Variants in CACNA1C observed in about 807,000 individuals in gnomAD.
CACNA1C encodes calcium voltage-gated channel subunit alpha1 C, also known as voltage-dependent L-type calcium channel subunit alpha-1C.
A neutral mutation model predicts 229.0 loss-of-function variants in CACNA1C; 30 were observed. The observed-to-expected ratio is 0.13, with a 90% confidence interval of 0.10 to 0.18. The LOEUF is 0.18. CACNA1C is among the 10% of genes least tolerant of loss of function. The probability of loss-of-function intolerance (pLI) is 1.00; values close to 1 mark genes in which losing one functional copy is unlikely to be tolerated. For synonymous variants in CACNA1C, 1,114 were observed against 1,132.5 expected (o/e 0.98, Z 0.33); for missense variants, 1,658 against 2,845.0 (o/e 0.58, Z 9.49).
chr12:2,016,411 GT>G (rs1485047602), intron 1 of CACNA1C, among the ~76,000 whole-genome samples: 2 of 151,984 alleles, frequency 1.3e-5, no homozygotes, highest in African/African-American at 4.8e-5. Flanking sequence ...GTGACAATGG[GT>G]TTGTTTAAAA....
chr12:2,005,810 T>A (rs916018632), intron 1 of CACNA1C, among the ~76,000 whole-genome samples: 4 of 152,264 alleles, frequency 2.6e-5, no homozygotes, highest in African/African-American at 9.6e-5. Flanking sequence ...GGATTTTTAA[T>A]GTAACAGTAT....
intron 3 of CACNA1C, among the ~76,000 whole-genome samples, chr12:2,341,359 G>A (rs757130067): frequency 1.3e-5 from 2 of 152,206 alleles, no homozygotes; most frequent in African/African-American, 2.4e-5. Context: ...CTGTTCCAGC[G>A]AGGGATTAAA....
intron 3 of CACNA1C, among the ~76,000 whole-genome samples, chr12:2,293,655 G>A (rs1355676011): frequency 1.3e-5 from 2 of 152,188 alleles, no homozygotes; most frequent in East Asian, 3.8e-4. Flanking sequence ...ATGTGGCCCA[G>A]GGAAGCCAAA....
At chr12:2,111,744 A>G (rs1401319441) in intron 1 of CACNA1C, among the ~76,000 whole-genome samples, 1 of 152,184 alleles carries the variant, frequency 6.6e-6, no homozygotes, top group East Asian at 1.9e-4. Context: ...AAAAAATTAT[A>G]TACCACAGAT....
chr12:2,679,860 C>A lies in CACNA1C; in HGVS notation c.5444+64C>A. On this transcript the variant is annotated intron_variant, in intron 42 of 46. Transcript: ENST00000399655. The surrounding 1 kb of genome is among the most constrained non-coding windows in gnomAD (Gnocchi z 5.5). ...CCCACGTGCTGCAACCCTCAGGAGACAGTGGAGGAGACGGAGGCCTCGGCC... is the reference window on the plus strand; with the variant it reads ...CCCACGTGCTGCAACCCTCAGGAGAAAGTGGAGGAGACGGAGGCCTCGGCC... 1 of 1,219,536 alleles carries A rather than the reference C, an allele frequency of 8.2e-7. No homozygotes were observed. Among genetic ancestry groups the A allele is most frequent in the Non-Finnish European group, 1.1e-6 (1 of 875,460 alleles). The allele number at this position is 1,219,536 out of a possible 1,614,324, so 75.5% of individuals were successfully genotyped here.
In CACNA1C at chr12:2,169,647, T is replaced by G. The variant is rs747462658; in HGVS notation, c.477+49217T>G. Among the ~76,000 whole-genome samples, 33 of 152,228 alleles carry G rather than the reference T, an allele frequency of 2.2e-4. 1 individual carries two copies. The highest frequency in any genetic ancestry group is 4.7e-4 in the Non-Finnish European group (32 of 68,036). ...AACATGTGGTCGCAGCATGTGACCT[T>G]CAAGTCAGGTCACGGCTGGCATTTG... On this transcript the variant is annotated intron_variant, in intron 3 of 46. Coordinates refer to ENST00000399655, the MANE Select transcript of CACNA1C (RefSeq NM_000719.7).
intron 11 of CACNA1C, among the ~76,000 whole-genome samples, chr12:2,564,693 C>T (rs953203493): frequency 6.6e-6 from 1 of 152,218 alleles, no homozygotes; most frequent in Non-Finnish European, 1.5e-5. Context: ...CCATACCTGT[C>T]TTTCTTATTC....
intron 1 of CACNA1C, among the ~76,000 whole-genome samples, chr12:2,110,185 A>G (rs2081104015): frequency 6.6e-6 from 1 of 152,234 alleles, no homozygotes; most frequent in African/African-American, 2.4e-5. Flanking sequence ...TGCAGAGCAG[A>G]ATGACACGAG....
At chr12:2,431,623 T>C (rs1300103995) in intron 3 of CACNA1C, among the ~76,000 whole-genome samples, 1 of 152,124 alleles carries the variant, frequency 6.6e-6, no homozygotes, top group Non-Finnish European at 1.5e-5. Flanking sequence ...AGAATAATGA[T>C]GATACCCACC....
At chr12:2,510,559 C>A (rs922183980) in intron 8 of CACNA1C, among the ~76,000 whole-genome samples, 1 of 152,188 alleles carries the variant, frequency 6.6e-6, no homozygotes, top group East Asian at 1.9e-4. Context: ...AGATGGTGAG[C>A]TTCATTCCAT....
At chr12:2,166,092 G>A (rs912639734) in intron 3 of CACNA1C, among the ~76,000 whole-genome samples, 6 of 152,200 alleles carry the variant, frequency 3.9e-5, no homozygotes, top group African/African-American at 9.6e-5. Flanking sequence ...GTGCTCCAGC[G>A]ATTTCTCAAA....
At position 2,682,667 on chromosome 12, in the gene CACNA1C, C is replaced by T. The variant is rs1474135048; in HGVS notation, c.5562C>T (p.Leu1854=). The T allele has an allele frequency of 1.2e-6, 2 of 1,610,906 alleles. No homozygotes were observed. The highest frequency in any genetic ancestry group is 1.7e-6 in the Non-Finnish European group (2 of 1,179,530). Residue 1854 remains leucine, a synonymous_variant, in exon 43 of 47, where the codon CTC becomes CTT. Coordinates refer to ENST00000399655, the MANE Select transcript of CACNA1C (RefSeq NM_000719.7). ...DTEACSEPSL[L]STEMLSYQDD... is the part of the protein sequence containing the mutation. ...AGGCCTGCAGTGAGCCCAGCCTGCT[C>T]TCCACAGAGATGTGAGCTCTGCTGC...
At chr12:2,179,439 AC>A (rs1056114473) in intron 3 of CACNA1C, among the ~76,000 whole-genome samples, 2 of 152,184 alleles carry the variant, frequency 1.3e-5, no homozygotes, top group Non-Finnish European at 2.9e-5. Context: ...AGCACCCTAG[AC>A]CCATAGACTC....
chr12:2,633,798 T>A lies in CACNA1C; in HGVS notation c.3829-499T>A. 1.3e-6 allele frequency: 1 copy of A among 759,230 alleles called. No individual in the cohort carries two copies. Among genetic ancestry groups the A allele is most frequent in the Non-Finnish European group, 2.3e-6 (1 of 441,446 alleles). 47.0% of individuals were successfully genotyped at this position (759,230 alleles called of 1,614,324 possible). On this transcript the variant is annotated intron_variant, in intron 29 of 46. Coordinates refer to ENST00000399655, the MANE Select transcript of CACNA1C (RefSeq NM_000719.7). The surrounding 1 kb of genome is among the most constrained non-coding windows in gnomAD (Gnocchi z 5.8). ...TTTCTCTCTCTCTCACTCTCTCTGT[T>A]TACCTTCTTTTATGTTTTTTTTAAT...
Position 2,413,698 on chromosome 12 carries a change from A to T in CACNA1C, c.478-35278A>T, listed in dbSNP as rs77476038. Among the ~76,000 whole-genome samples, 1,384 of 152,240 alleles carry T rather than the reference A, an allele frequency of 9.1e-3. 10 individuals are homozygous for T. Among genetic ancestry groups the T allele is most frequent in the Non-Finnish European group, 0.016 (1,081 of 68,002 alleles). ...CCGTCCCTCCATAACCTCATGTGAG[A>T]CACACGGGTCCCCAAAGCCAACCTG... is the stretch of plus-strand genomic sequence containing the variant. On this transcript the variant is annotated intron_variant, in intron 3 of 46. Transcript: ENST00000399655.
At chr12:2,075,961 A>G (rs1207437582) in intron 1 of CACNA1C, among the ~76,000 whole-genome samples, 2 of 152,228 alleles carry the variant, frequency 1.3e-5, no homozygotes, top group South Asian at 2.1e-4. Flanking sequence ...CTCAGAGATA[A>G]AAGTCAGGGA....
At chr12:2,021,109 G>C (rs1359393872) in intron 1 of CACNA1C, among the ~76,000 whole-genome samples, 4 of 152,114 alleles carry the variant, frequency 2.6e-5, no homozygotes, top group African/African-American at 9.7e-5. Flanking sequence ...TTATCACTCA[G>C]TACATTTCTT....
intron 9 of CACNA1C, among the ~76,000 whole-genome samples, chr12:2,541,766 A>G (rs1323476351): frequency 6.6e-6 from 1 of 152,216 alleles, no homozygotes; most frequent in African/African-American, 2.4e-5. Context: ...TCCTGCTGAC[A>G]GGCACATCAG....
intron 3 of CACNA1C, among the ~76,000 whole-genome samples, chr12:2,394,042 C>T (rs759306882): frequency 8.6e-5 from 13 of 151,022 alleles, no homozygotes; most frequent in Non-Finnish European, 8.8e-5. Context: ...GAGGTCGAGG[C>T]TGCAGTGAGC....
Sources: allele counts gnomAD v4.1 joint callset (sites outside exome capture counted in the v4.1 genomes callset), GRCh38; gene constraint gnomAD v4.1.1; non-coding constraint Gnocchi (gnomAD v3.1); transcripts MANE v1.5; gene names NCBI Gene and HGNC (gene_info 2026-07-23, HGNC 2026-07-21).